Variants in ELF2 observed in about 807,000 individuals in gnomAD.
ELF2 encodes E74 like ETS transcription factor 2.
Under a neutral mutation model 54.8 loss-of-function variants are expected in ELF2, and 11 were observed. The observed-to-expected ratio is 0.20, with a 90% CI of 0.13 to 0.33. ELF2 has a LOEUF of 0.33. ELF2 is among the 10% of genes least tolerant of loss of function. ELF2 has a pLI of 1.00. For synonymous variants in ELF2, 203 were observed against 245.1 expected, an observed-to-expected ratio of 0.83 and a Z score of 1.61; for missense variants, 513 against 703.0, an observed-to-expected ratio of 0.73 and a Z score of 3.06.
chr4:139,124,987 A>G (rs540521217), intron 4 of ELF2, among the ~76,000 whole-genome samples, 177 bp downstream of exon 4: 1 of 152,304 alleles, frequency 6.6e-6, no homozygotes, highest in African/African-American at 2.4e-5. Flanking sequence ...ATAGAATTAT[A>G]CAATAGAAGT....
intron 4 of ELF2, among the ~76,000 whole-genome samples, chr4:139,090,359 G>A (rs1242780949): frequency 6.6e-6 from 1 of 152,160 alleles, no homozygotes; most frequent in African/African-American, 2.4e-5. Flanking sequence ...TTTCTGCCAT[G>A]TGTTGAGTAA....
chr4:139,132,808 T>A (rs2148850438), intron 3 of ELF2, among the ~76,000 whole-genome samples: 1 of 147,206 alleles, frequency 6.8e-6, no homozygotes, highest in Non-Finnish European at 1.5e-5. Context: ...ATTTTGCAAG[T>A]ACTCAATTTT....
chr4:139,125,434 T>A, intron 3 of ELF2, 105 bp from the exon 4 acceptor site: 1 of 1,300,870 alleles, frequency 7.7e-7, no homozygotes, highest in Non-Finnish European at 1.0e-6. Flanking sequence ...ACATAATGAG[T>A]TTCAAATATT....
intron 3 of ELF2, among the ~76,000 whole-genome samples, chr4:139,128,575 G>A (rs1737179336): frequency 6.7e-6 from 1 of 150,168 alleles, no homozygotes; most frequent in Admixed American, 6.6e-5. Context: ...AGGTTGGAGT[G>A]CAGTGGCACA....
intron 1 of ELF2, among the ~76,000 whole-genome samples, chr4:139,148,316 ATTTTTTTTT>A (rs772079635): frequency 4.6e-5 from 3 of 64,532 alleles, no homozygotes; most frequent in African/African-American, 5.7e-5. Flanking sequence ...TACCTGGCTA[ATTTTTTTTT>A]TTTTTTTTTT....
chr4:139,141,739 C>A (rs1420797024), intron 1 of ELF2, among the ~76,000 whole-genome samples: 1 of 152,184 alleles, frequency 6.6e-6, no homozygotes, highest in African/African-American at 2.4e-5. Flanking sequence ...TAGGACAGTG[C>A]TGCTCTCTGG....
At chr4:139,079,797 A>C (rs1426310261) in intron 4 of ELF2, among the ~76,000 whole-genome samples, 2 of 152,330 alleles carry the variant, frequency 1.3e-5, no homozygotes, top group East Asian at 3.9e-4. Context: ...CTGTAATCCC[A>C]GCTACTTGGG....
chr4:139,092,414 T>TATAACATAACATA (rs70940488), intron 4 of ELF2, among the ~76,000 whole-genome samples: 1 of 87,762 alleles, frequency 1.1e-5, no homozygotes, highest in Non-Finnish European at 2.4e-5. Context: ...TAACATAACA[T>TATAACATAACATA]ACATAACATA....
At chr4:139,079,738 C>G (rs1310657727) in intron 4 of ELF2, among the ~76,000 whole-genome samples, 1 of 152,038 alleles carries the variant, frequency 6.6e-6, no homozygotes, top group Non-Finnish European at 1.5e-5. Context: ...ATGGTAAAAC[C>G]CCATTTCTAC....
At position 139,137,693 on chromosome 4, in the gene ELF2, T is replaced by C. The variant is rs1738322980; in HGVS notation, c.9A>G (p.Ser3=). 1 of 1,614,052 alleles carries C rather than the reference T, an allele frequency of 6.2e-7. No homozygotes were observed. MT[S]AVVDSGGTIL... ...TAGTACCTCCACTGTCAACCACTGC[T>C]GATGTCATTGTTATTCCCTGAGGAA... Residue 3 remains serine (S), a synonymous_variant, in exon 3 of 10, where the codon TCA becomes TCG. Transcript: ENST00000686138.
chr4:139,144,501 C>G (rs1416206744), intron 1 of ELF2, among the ~76,000 whole-genome samples: 1 of 152,210 alleles, frequency 6.6e-6, no homozygotes. Context: ...ACTGCCTTGG[C>G]TGAACTGGGC....
intron 4 of ELF2, among the ~76,000 whole-genome samples, chr4:139,083,187 G>T (rs3805208): frequency 3.3e-5 from 5 of 152,116 alleles, no homozygotes; most frequent in Admixed American, 6.5e-5. Flanking sequence ...GGTTTGGGGG[G>T]GGGTAGAGGG....
chr4:139,127,041 C>G (rs548150792), intron 3 of ELF2, among the ~76,000 whole-genome samples: 3 of 152,162 alleles, frequency 2.0e-5, no homozygotes, highest in East Asian at 3.8e-4. Context: ...ACTACGATAA[C>G]CATTGACCTT....
chr4:139,080,016 T>G (rs1578727697), intron 4 of ELF2, among the ~76,000 whole-genome samples: 2 of 152,252 alleles, frequency 1.3e-5, no homozygotes, highest in East Asian at 3.8e-4. Flanking sequence ...AGCATTTCTT[T>G]GCATCCTTTT....
intron 3 of ELF2, among the ~76,000 whole-genome samples, chr4:139,135,251 G>A (rs981513818): frequency 2.2e-5 from 3 of 136,700 alleles, no homozygotes; most frequent in Non-Finnish European, 4.6e-5. Context: ...GTGTGTGTGT[G>A]TGTGTGTGTG....
At chr4:139,134,441 C>G (rs960915670) in intron 3 of ELF2, among the ~76,000 whole-genome samples, 2 of 151,672 alleles carry the variant, frequency 1.3e-5, no homozygotes, top group Non-Finnish European at 2.9e-5. Context: ...ACTGCAACCT[C>G]TACCTCCCAG....
intron 1 of ELF2, among the ~76,000 whole-genome samples, chr4:139,146,294 A>T (rs1739219743): frequency 6.6e-6 from 1 of 152,224 alleles, no homozygotes; most frequent in Admixed American, 6.5e-5. Context: ...AATATATATA[A>T]AATACCTAGG....
chr4:139,099,520 C>G (rs566661299), intron 4 of ELF2, among the ~76,000 whole-genome samples: 1 of 152,148 alleles, frequency 6.6e-6, no homozygotes, highest in Non-Finnish European at 1.5e-5. Flanking sequence ...AATTGGCTCC[C>G]GTCTTCCATC....
intron 4 of ELF2, among the ~76,000 whole-genome samples, chr4:139,113,006 A>G (rs1735129729): frequency 6.6e-6 from 1 of 152,228 alleles, no homozygotes. Context: ...GTCTAGATAT[A>G]CTTTTCTTTC....
Sources: allele counts gnomAD v4.1 joint callset (sites outside exome capture counted in the v4.1 genomes callset), GRCh38; gene constraint gnomAD v4.1.1; transcripts MANE v1.5; gene names NCBI Gene and HGNC (gene_info 2026-07-23, HGNC 2026-07-21).